Variants in ST3GAL2 observed in about 807,000 individuals in gnomAD.
ST3GAL2 encodes CMP-N-acetylneuraminate-beta-galactosamide-alpha-2,3-sialyltransferase 2.
ST3GAL2 carries 16 observed loss-of-function variants against 37.5 expected under a neutral mutation model. The observed-to-expected ratio is 0.43, with a 90% CI of 0.29 to 0.65. The LOEUF (loss-of-function observed/expected upper bound fraction) is 0.65. Ranked by LOEUF, ST3GAL2 falls within the 30% of genes least tolerant of loss-of-function variation. The pLI is 0.17. For missense variants in ST3GAL2, 383 were observed against 487.8 expected, an observed-to-expected ratio of 0.79 and a Z score of 2.02; for synonymous variants, 238 against 202.9, an observed-to-expected ratio of 1.17 and a Z score of -1.47.
intron 4 of ST3GAL2, among the ~76,000 whole-genome samples, chr16:70,385,634 T>G (rs2047436852): frequency 6.6e-6 from 1 of 150,512 alleles, no homozygotes; most frequent in Non-Finnish European, 1.5e-5. Flanking sequence ...GGTGATGGCT[T>G]AGGGATCCGG....
chr16:70,381,642 C>A lies in ST3GAL2; in HGVS notation c.*47G>T, dbSNP rs1420129554. 2.5e-6 allele frequency: 4 copies of A among 1,594,490 alleles called. No individual in the cohort carries two copies. The African/African-American group carries it at 4.0e-5, about 16-fold the overall frequency. ...GCTGGTCCTGGGTCCCGGGCCGGAG[C>A]CCCGGTGCCCGATAGATGGGCCGGA... On this transcript the variant is annotated 3_prime_UTR_variant, in exon 7 of 7. Transcript: ENST00000342907.
At chr16:70,396,316 C>T (rs202068767) in intron 2 of ST3GAL2, among the ~76,000 whole-genome samples, 1 of 128,546 alleles carries the variant, frequency 7.8e-6, no homozygotes, top group Non-Finnish European at 1.7e-5. Flanking sequence ...AAAAAAAAAA[C>T]CCACATAAAA....
At chr16:70,435,192 C>A (rs552580552) in intron 1 of ST3GAL2, among the ~76,000 whole-genome samples, 5 of 152,184 alleles carry the variant, frequency 3.3e-5, no homozygotes, top group Admixed American at 1.3e-4. Flanking sequence ...AGTGTCCCCC[C>A]AGTCATTACC....
At chr16:70,417,406 C>T (rs753011349) in intron 1 of ST3GAL2, among the ~76,000 whole-genome samples, 3 of 152,144 alleles carry the variant, frequency 2.0e-5, no homozygotes, top group Non-Finnish European at 4.4e-5. Context: ...CCAGCCCTAC[C>T]TTGGTTGATC....
chr16:70,398,947 G>C lies in ST3GAL2; in HGVS notation c.-417C>G. 1 of 425,326 alleles carries C rather than the reference G, an allele frequency of 2.4e-6. No individual in the cohort carries two copies. Among genetic ancestry groups the C allele is most frequent in the Non-Finnish European group, 4.1e-6 (1 of 241,428 alleles). The allele number at this position is 425,326 out of a possible 1,614,324, so 26.3% of individuals were successfully genotyped here. A position where few individuals can be genotyped will look rare whatever the true frequency, so the allele number is the denominator to read the frequency against. ...GTCTGGAGCAGTCGGGGTCCTTGTG[G>C]TTCATGAGCAGACAATGAGGCGGCC... On this transcript the variant is annotated 5_prime_UTR_variant, in exon 2 of 7. Coordinates refer to ENST00000342907, the MANE Select transcript of ST3GAL2 (RefSeq NM_006927.4).
chr16:70,412,713 G>GT (rs1231028229), intron 1 of ST3GAL2, among the ~76,000 whole-genome samples: 1 of 152,054 alleles, frequency 6.6e-6, no homozygotes, highest in Non-Finnish European at 1.5e-5. Context: ...TGTTCATGCT[G>GT]TTTTTTCGAA....
intron 1 of ST3GAL2, among the ~76,000 whole-genome samples, chr16:70,410,808 GTTTT>G (rs35994886): frequency 1.2e-4 from 12 of 103,194 alleles, no homozygotes; most frequent in African/African-American, 4.1e-4. Flanking sequence ...TTTAGATCCT[GTTTT>G]TTTTTTTTTT....
intron 1 of ST3GAL2, among the ~76,000 whole-genome samples, chr16:70,419,929 G>A (rs1203674581): frequency 6.6e-6 from 1 of 151,916 alleles, no homozygotes; most frequent in African/African-American, 2.4e-5. Flanking sequence ...TGCAGGTATG[G>A]AGGCCTACTT....
intron 4 of ST3GAL2, among the ~76,000 whole-genome samples, chr16:70,384,087 G>A (rs536024570): frequency 9.2e-5 from 14 of 152,148 alleles, no homozygotes; most frequent in African/African-American, 3.1e-4. Context: ...CAACTCTACT[G>A]CATCCATTTT....
chr16:70,420,958 C>T (rs890134722), intron 1 of ST3GAL2, among the ~76,000 whole-genome samples: 1 of 152,208 alleles, frequency 6.6e-6, no homozygotes, highest in African/African-American at 2.4e-5. Flanking sequence ...CCAACAGGGA[C>T]CCTGGAAGTT....
chr16:70,431,497 G>A (rs1008579899), intron 1 of ST3GAL2, among the ~76,000 whole-genome samples: 2 of 152,154 alleles, frequency 1.3e-5, no homozygotes, highest in Non-Finnish European at 2.9e-5. Flanking sequence ...GAAACCAATA[G>A]CATCAGAAAG....
chr16:70,425,667 C>T (rs1336270854), intron 1 of ST3GAL2, among the ~76,000 whole-genome samples: 1 of 151,708 alleles, frequency 6.6e-6, no homozygotes, highest in Admixed American at 6.6e-5. Flanking sequence ...TGCAGTGAAC[C>T]GAGACCGCTC....
intron 1 of ST3GAL2, among the ~76,000 whole-genome samples, chr16:70,417,813 TGGGGGGGCG>T (rs929683351): frequency 9.8e-6 from 1 of 102,090 alleles, no homozygotes; most frequent in African/African-American, 3.8e-5. Context: ...ATGGCGTGGC[TGGGGGGGCG>T]GGGGGAATGT....
intron 1 of ST3GAL2, among the ~76,000 whole-genome samples, chr16:70,405,959 G>C (rs2047589466): frequency 6.6e-6 from 1 of 151,846 alleles, no homozygotes; most frequent in Non-Finnish European, 1.5e-5. Context: ...TACTCAGGAG[G>C]CTGAGGCAGG....
At chr16:70,435,764 A>G (rs1054862091) in intron 1 of ST3GAL2, among the ~76,000 whole-genome samples, 2 of 151,650 alleles carry the variant, frequency 1.3e-5, no homozygotes, top group Admixed American at 1.3e-4. Context: ...ATTGCACTCC[A>G]GCCTGGGCAA....
intron 1 of ST3GAL2, among the ~76,000 whole-genome samples, chr16:70,431,985 A>ATATATATATAT (rs1454729972): frequency 1.4e-4 from 19 of 139,056 alleles, no homozygotes; most frequent in African/African-American, 5.4e-4. Context: ...ATATATATAT[A>ATATATATATAT]TTTTTTTTTA....
chr16:70,385,024 G>A (rs556604500), intron 4 of ST3GAL2, among the ~76,000 whole-genome samples: 2 of 151,648 alleles, frequency 1.3e-5, no homozygotes, highest in South Asian at 4.2e-4. Flanking sequence ...CAAACAAACA[G>A]GCCGGGTGCG....
chr16:70,376,443 C>T lies in ST3GAL2; in HGVS notation c.*5246G>A, dbSNP rs1053456832. 1.3e-5 allele frequency: 2 copies of T among 152,056 alleles called. No homozygotes were observed. The highest frequency in any genetic ancestry group is 2.9e-5 in the Non-Finnish European group (2 of 68,002). 9.4% of individuals were successfully genotyped at this position (152,056 alleles called of 1,614,324 possible). A position where few individuals can be genotyped will look rare whatever the true frequency, so the allele number is the denominator to read the frequency against. ...GTTGCTAGAGGAAAGGTGTTAATTC[C>T]ACACTCTGAGGACCAGGCTGGCCCA... On this transcript the variant is annotated 3_prime_UTR_variant, in exon 7 of 7. Coordinates refer to ENST00000342907, the MANE Select transcript of ST3GAL2 (RefSeq NM_006927.4).
At position 70,421,790 on chromosome 16, in the gene ST3GAL2, T is replaced by G. The variant is rs541565311; in HGVS notation, c.-1004+17159A>C. Reference sequence around the variant, plus strand: ...GCCTCCTGCCTCAGCCTCAGCATCCTGAGCAGCTGGGACCACAGGTACACA... The same window carrying G: ...GCCTCCTGCCTCAGCCTCAGCATCCGGAGCAGCTGGGACCACAGGTACACA... On this transcript the variant is annotated intron_variant, in intron 1 of 6. Transcript: ENST00000342907. Among the ~76,000 whole-genome samples, 37 of 152,298 alleles carry G rather than the reference T, an allele frequency of 2.4e-4. 1 individual carries two copies. In the South Asian group the frequency reaches 7.5e-3, roughly 31 times the overall value.
Sources: gnomAD v4.1 joint callset for allele counts (sites outside exome capture counted in the v4.1 genomes callset) on GRCh38, gnomAD v4.1.1 for gene constraint, MANE v1.5 for transcripts, NCBI Gene and HGNC (gene_info 2026-07-23, HGNC 2026-07-21) for gene names.